Variants in ORC5 observed in about 807,000 individuals in gnomAD.
ORC5 encodes the protein protein phosphatase 1, regulatory subunit 117.
Under a neutral mutation model 58.8 loss-of-function variants are expected in ORC5, and 39 were observed. That is an observed-to-expected ratio of 0.66 (90% CI 0.51 to 0.87). The LOEUF (loss-of-function observed/expected upper bound fraction) is 0.87. Ranked by LOEUF, ORC5 falls within the 40% of genes least tolerant of loss-of-function variation. The pLI, the probability that ORC5 is intolerant of heterozygous loss-of-function variation, is 0.00. For missense variants in ORC5, 493 were observed against 506.3 expected (o/e 0.97, Z 0.25); for synonymous variants, 218 against 177.6 (o/e 1.23, Z -1.81).
intron 8 of ORC5, among the ~76,000 whole-genome samples, chr7:104,171,508 T>C (rs1165792048): frequency 6.6e-6 from 1 of 152,214 alleles, no homozygotes; most frequent in African/African-American, 2.4e-5. Context: ...GATTTTGTCA[T>C]TTCTTTTTTA....
intron 5 of ORC5, 42 bp from the exon 6 acceptor site, chr7:104,188,423 T>C: frequency 6.7e-7 from 1 of 1,495,740 alleles, no homozygotes; most frequent in Non-Finnish European, 9.1e-7. Flanking sequence ...ATTAACATAG[T>C]ACACTAATCA....
intron 2 of ORC5, chr7:104,202,585 TTAAG>T (rs751910754): frequency 1.8e-5 from 8 of 447,758 alleles, no homozygotes; most frequent in Non-Finnish European, 3.1e-5. Flanking sequence ...ATTACACTGA[TTAAG>T]TAACAGCAGA....
chr7:104,207,509 T>C (rs995209820), intron 1 of ORC5, among the ~76,000 whole-genome samples: 2 of 152,226 alleles, frequency 1.3e-5, no homozygotes, highest in Non-Finnish European at 2.9e-5. Context: ...AACACATCTG[T>C]TACATAAATG....
chr7:104,137,905 T>C (rs1387573722), intron 12 of ORC5, among the ~76,000 whole-genome samples: 1 of 152,132 alleles, frequency 6.6e-6, no homozygotes, highest in African/African-American at 2.4e-5. Context: ...GAAAGCCCTC[T>C]CTCCTTCCAA....
chr7:104,200,673 G>C lies in ORC5; in HGVS notation c.366+85C>G, dbSNP rs531164052. On this transcript the variant is annotated intron_variant, in intron 3 of 13. Coordinates refer to ENST00000297431, the MANE Select transcript of ORC5 (RefSeq NM_002553.4). ...TGGCACAGAGCACTGTACATAATGA[G>C]ACTCAAAACAAATATATGAAAATTG... is the stretch of plus-strand genomic sequence containing the variant. 2.2e-4 allele frequency: 182 copies of C among 836,970 alleles called. 1 individual carries two copies. The African/African-American group carries it at 2.2e-3, about 10-fold the overall frequency. 51.8% of individuals were successfully genotyped at this position (836,970 alleles called of 1,614,324 possible). A position where few individuals can be genotyped will look rare whatever the true frequency, so the allele number is the denominator to read the frequency against.
chr7:104,173,203 G>T (rs1304389581), intron 8 of ORC5, among the ~76,000 whole-genome samples: 5 of 152,156 alleles, frequency 3.3e-5, no homozygotes, highest in African/African-American at 1.2e-4. Context: ...CCCAGCAACT[G>T]CCTGTCAAAC....
At chr7:104,167,448 A>G (rs763187252) in intron 9 of ORC5, among the ~76,000 whole-genome samples, 2 of 152,184 alleles carry the variant, frequency 1.3e-5, no homozygotes, top group African/African-American at 2.4e-5. Context: ...TTCTATTTGG[A>G]AGTTTTGGAT....
intron 8 of ORC5, among the ~76,000 whole-genome samples, chr7:104,174,587 C>A (rs13230700): frequency 2.6e-5 from 4 of 151,840 alleles, no homozygotes; most frequent in East Asian, 1.9e-4. Flanking sequence ...GAACAGCAGG[C>A]GACCCTAGGG....
At chr7:104,198,097 G>A (rs542886570) in intron 3 of ORC5, among the ~76,000 whole-genome samples, 1 of 152,194 alleles carries the variant, frequency 6.6e-6, no homozygotes, top group South Asian at 2.1e-4. Context: ...TTCATCATGA[G>A]AGGAGGCAGC....
intron 10 of ORC5, among the ~76,000 whole-genome samples, chr7:104,165,933 G>T (rs953923468): frequency 2.6e-5 from 4 of 152,004 alleles, no homozygotes; most frequent in African/African-American, 9.7e-5. Flanking sequence ...AGGCGTGGGG[G>T]CACACACCTG....
In ORC5 at chr7:104,142,148, C is replaced by G. The variant is rs1344970334; in HGVS notation, c.1150-5255G>C. Among the ~76,000 whole-genome samples, 3 of 152,080 alleles carry G rather than the reference C, an allele frequency of 2.0e-5. No homozygotes were observed. In the East Asian group the frequency reaches 5.8e-4, roughly 29 times the overall value. On this transcript the variant is annotated intron_variant, in intron 12 of 13. Transcript: ENST00000297431. ...AAATACACAATGGGAAAAGGATAGT[C>G]TCTTCAATAAATGGTACTGGAAATA...
chr7:104,188,805 AGACTTCCCC>A (rs771448424), intron 5 of ORC5, among the ~76,000 whole-genome samples: 1 of 152,074 alleles, frequency 6.6e-6, no homozygotes, highest in Non-Finnish European at 1.5e-5. Context: ...ATCATGAGGC[AGACTTCCCC>A]CTAGCTGTTC....
chr7:104,202,865 G>A (rs2299411), intron 2 of ORC5, among the ~76,000 whole-genome samples: 57,219 of 152,000 alleles, frequency 0.38, 12,798 homozygotes, highest in Non-Finnish European at 0.51. Flanking sequence ...AAGTTAATAC[G>A]TGCCAAGTAA....
chr7:104,148,670 G>C (rs1798798988), intron 12 of ORC5, among the ~76,000 whole-genome samples: 1 of 152,130 alleles, frequency 6.6e-6, no homozygotes. Context: ...CCTAATGACA[G>C]GTTAATTTTT....
chr7:104,133,238 C>G lies in ORC5; in HGVS notation c.1262+3543G>C, dbSNP rs556211269. ...ATAATAAATTATAAGAGGATAAGAG[C>G]AGACAGAAGATCAATTAGACTGTTA... is the stretch of plus-strand genomic sequence containing the variant. On this transcript the variant is annotated intron_variant, in intron 13 of 13. Coordinates refer to ENST00000297431, the MANE Select transcript of ORC5 (RefSeq NM_002553.4). The surrounding 1 kb of genome is among the most constrained non-coding windows in gnomAD (Gnocchi z 4.7). 1.2e-4 allele frequency among the ~76,000 whole-genome samples: 19 copies of G among 152,188 alleles called. No homozygotes were observed. The South Asian group carries it at 3.7e-3, about 30-fold the overall frequency.
chr7:104,177,631 T>C (rs1024454248), intron 8 of ORC5, among the ~76,000 whole-genome samples: 7 of 152,174 alleles, frequency 4.6e-5, no homozygotes, highest in Admixed American at 2.6e-4. Flanking sequence ...TAGGTATACA[T>C]GTGCCATGGT....
At chr7:104,131,355 C>A (rs1798509557) in intron 13 of ORC5, among the ~76,000 whole-genome samples, 1 of 152,206 alleles carries the variant, frequency 6.6e-6, no homozygotes, top group African/African-American at 2.4e-5. Flanking sequence ...GCTCTCTCAT[C>A]TACAGCTCTT....
chr7:104,177,387 A>C (rs770936506), intron 8 of ORC5, among the ~76,000 whole-genome samples: 8 of 152,194 alleles, frequency 5.3e-5, no homozygotes, highest in Non-Finnish European at 7.4e-5. Flanking sequence ...AAACATATTT[A>C]TAAAATTACA....
intron 13 of ORC5, 75 bp from the exon 14 acceptor site, chr7:104,126,968 C>A (rs1798437970): frequency 9.7e-7 from 1 of 1,035,212 alleles, no homozygotes. Context: ...CTGGAAAGCA[C>A]ATGCAAAATA....
Sources: allele counts gnomAD v4.1 joint callset (sites outside exome capture counted in the v4.1 genomes callset), GRCh38; gene constraint gnomAD v4.1.1; non-coding constraint Gnocchi (gnomAD v3.1); transcripts MANE v1.5; gene names NCBI Gene and HGNC (gene_info 2026-07-23, HGNC 2026-07-21).